Variants in PJA2 observed in about 807,000 individuals in gnomAD.
The protein encoded by PJA2 is praja ring finger ubiquitin ligase 2, also known as E3 ubiquitin-protein ligase Praja-2.
PJA2 carries 25 observed loss-of-function variants against 69.3 expected under a neutral mutation model. That is an observed-to-expected ratio of 0.36 (90% CI 0.26 to 0.50). PJA2 has a LOEUF of 0.50. Among genes scored for constraint, PJA2 ranks in the 20% least tolerant of loss-of-function variants. PJA2 has a pLI of 0.96. For synonymous variants in PJA2, 308 were observed against 277.8 expected, an observed-to-expected ratio of 1.11 and a Z score of -1.08; for missense variants, 809 against 830.2, an observed-to-expected ratio of 0.97 and a Z score of 0.31.
chr5:109,390,244 T>G (rs1747250570), intron 1 of PJA2, among the ~76,000 whole-genome samples: 1 of 152,044 alleles, frequency 6.6e-6, no homozygotes, highest in Non-Finnish European at 1.5e-5. Flanking sequence ...TATTTTAGCT[T>G]CTGTCTTACA....
chr5:109,407,029 G>A (rs1747705710), intron 1 of PJA2, among the ~76,000 whole-genome samples: 1 of 152,188 alleles, frequency 6.6e-6, no homozygotes, highest in South Asian at 2.1e-4. Flanking sequence ...TCCTAGTCCT[G>A]AGGGTGAAAT....
At position 109,367,164 on chromosome 5, in the gene PJA2, A is replaced by C. The variant is rs368383632; in HGVS notation, c.1469+1397T>G. On this transcript the variant is annotated intron_variant, in intron 5 of 9. Coordinates refer to ENST00000361189, the MANE Select transcript of PJA2 (RefSeq NM_014819.5). ...AAAAAATATATATATATATATATAT[A>C]TCTATGATGTATATTTATGATATAT... is the stretch of plus-strand genomic sequence containing the variant. 9.5e-5 allele frequency among the ~76,000 whole-genome samples: 14 copies of C among 148,052 alleles called. No homozygotes were observed. In the East Asian group the frequency reaches 9.8e-4, roughly 10 times the overall value.
intron 1 of PJA2, chr5:109,390,884 T>C (rs529336527): frequency 1.3e-5 from 2 of 152,248 alleles, no homozygotes; most frequent in South Asian, 2.1e-4. Flanking sequence ...TGCAAGTAGA[T>C]TGTCTTAACA....
intron 1 of PJA2, among the ~76,000 whole-genome samples, chr5:109,397,190 C>T (rs887627764): frequency 6.6e-6 from 1 of 152,136 alleles, no homozygotes; most frequent in Non-Finnish European, 1.5e-5. Flanking sequence ...CCCACTGGCA[C>T]CTTGATTTGG....
At chr5:109,379,929 T>C (rs922211623) in intron 3 of PJA2, among the ~76,000 whole-genome samples, 1 of 152,066 alleles carries the variant, frequency 6.6e-6, no homozygotes, top group Non-Finnish European at 1.5e-5. Flanking sequence ...ATCATATCTA[T>C]AAATTACTTT....
intron 6 of PJA2, among the ~76,000 whole-genome samples, chr5:109,359,660 A>G (rs969882618): frequency 6.6e-6 from 1 of 152,224 alleles, no homozygotes; most frequent in African/African-American, 2.4e-5. Flanking sequence ...GTTATGAAAA[A>G]CAAAGACTGA....
At chr5:109,406,276 G>A (rs151055863) in intron 1 of PJA2, among the ~76,000 whole-genome samples, 4,613 of 152,218 alleles carry the variant, frequency 0.03, 90 homozygotes, top group Middle Eastern at 0.048. Context: ...TCCTGACCTC[G>A]TGATCCGCCT....
At chr5:109,354,416 A>ATATCTATATCTAGAGATATCTATAGATTG (rs1762365885) in intron 7 of PJA2, among the ~76,000 whole-genome samples, 1 of 91,708 alleles carries the variant, frequency 1.1e-5, no homozygotes, top group Non-Finnish European at 2.5e-5. Flanking sequence ...TCTATAGATT[A>ATATCTATATCTAGAGATATCTATAGATTG]GATATCTATG....
In PJA2 at chr5:109,353,640, T is replaced by C. The variant is rs62643542; in HGVS notation, c.1764+2275A>G. ...ATATATTAGATACCTATATCATAGA[T>C]ATCTATATATTAGATACCTATTATA... is the stretch of plus-strand genomic sequence containing the variant. On this transcript the variant is annotated intron_variant, in intron 7 of 9. Transcript: ENST00000361189. Among the ~76,000 whole-genome samples the C allele has an allele frequency of 3.9e-3, 358 of 92,958 alleles. 13 individuals are homozygous for C. The highest frequency in any genetic ancestry group is 4.5e-3 in the Non-Finnish European group (223 of 50,104). The allele number at this position is 92,958 out of a possible 152,430, so 61.0% of individuals were successfully genotyped here.
chr5:109,340,032 G>C (rs1467846092), intron 9 of PJA2, among the ~76,000 whole-genome samples: 2 of 152,126 alleles, frequency 1.3e-5, no homozygotes, highest in African/African-American at 4.8e-5. Context: ...TGAGACTTGA[G>C]ACACACATTA....
At chr5:109,396,352 G>A (rs1006376086) in intron 1 of PJA2, among the ~76,000 whole-genome samples, 40 of 150,348 alleles carry the variant, frequency 2.7e-4, no homozygotes, top group African/African-American at 8.8e-4. Flanking sequence ...AAATTATACT[G>A]AATGGTGAAA....
chr5:109,407,593 TAA>T (rs1031194553), intron 1 of PJA2, among the ~76,000 whole-genome samples: 20 of 152,228 alleles, frequency 1.3e-4, no homozygotes, highest in East Asian at 3.9e-4. Flanking sequence ...GAAAAACACA[TAA>T]GTTATAAAAA....
At chr5:109,372,478 T>A (rs920233692) in intron 4 of PJA2, among the ~76,000 whole-genome samples, 3 of 152,242 alleles carry the variant, frequency 2.0e-5, no homozygotes, top group Admixed American at 2.0e-4. Flanking sequence ...TCTTGTTTAC[T>A]CAGTGCAGCT....
chr5:109,367,728 A>C (rs1296104123), intron 5 of PJA2, among the ~76,000 whole-genome samples: 2 of 152,232 alleles, frequency 1.3e-5, no homozygotes, highest in Non-Finnish European at 2.9e-5. Context: ...TAAAATAACA[A>C]TAAACCATGA....
Position 109,365,593 on chromosome 5 carries a change from A to T in PJA2, c.1470-2571T>A, listed in dbSNP as rs539678428. Among the ~76,000 whole-genome samples, 78 of 151,570 alleles carry T rather than the reference A, an allele frequency of 5.1e-4. No homozygotes were observed. In the East Asian group the frequency reaches 0.013, roughly 26 times the overall value. On this transcript the variant is annotated intron_variant, in intron 5 of 9. Coordinates refer to ENST00000361189, the MANE Select transcript of PJA2 (RefSeq NM_014819.5). Reference sequence around the variant, plus strand: ...TTGTTGTATGAATCCTTTTTTTTTTAAAACAACTGTAATTTCATCTGTTTA... The same window carrying T: ...TTGTTGTATGAATCCTTTTTTTTTTTAAACAACTGTAATTTCATCTGTTTA...
intron 3 of PJA2, among the ~76,000 whole-genome samples, chr5:109,380,335 G>C (rs62375645): frequency 0.024 from 3,703 of 152,058 alleles, 63 homozygotes; most frequent in Non-Finnish European, 0.036. Flanking sequence ...TAGAACAAGA[G>C]GAAGAAGACA....
chr5:109,338,328 A>G (rs954999966), intron 9 of PJA2, among the ~76,000 whole-genome samples: 4 of 152,102 alleles, frequency 2.6e-5, no homozygotes, highest in Non-Finnish European at 5.9e-5. Context: ...TACAACATAT[A>G]TTACGTTTAC....
chr5:109,371,951 A>T (rs943032370), intron 4 of PJA2, among the ~76,000 whole-genome samples: 2 of 152,238 alleles, frequency 1.3e-5, no homozygotes, highest in African/African-American at 4.8e-5. Flanking sequence ...GGGTTCATGT[A>T]AAGGGTAAGT....
At chr5:109,397,787 A>G (rs1747450968) in intron 1 of PJA2, among the ~76,000 whole-genome samples, 1 of 151,986 alleles carries the variant, frequency 6.6e-6, no homozygotes, top group African/African-American at 2.4e-5. Flanking sequence ...GCCTCTCAAA[A>G]TGCTGGGATT....
Sources: allele counts gnomAD v4.1 joint callset (sites outside exome capture counted in the v4.1 genomes callset), GRCh38; gene constraint gnomAD v4.1.1; transcripts MANE v1.5; gene names NCBI Gene and HGNC (gene_info 2026-07-23, HGNC 2026-07-21).